The following LRFN5 variants were observed in gnomAD, a reference collection of about 807,000 sequenced individuals.
The protein encoded by LRFN5 is leucine rich repeat and fibronectin type III domain containing 5.
A neutral mutation model predicts 45.6 loss-of-function variants in LRFN5; 24 were observed. That is an observed-to-expected ratio of 0.53 (90% CI 0.38 to 0.74). The LOEUF is 0.74. Ranked by LOEUF, LRFN5 falls within the 30% of genes least tolerant of loss-of-function variation. LRFN5 has a pLI of 0.00. For synonymous variants in LRFN5, 340 were observed against 313.8 expected, an observed-to-expected ratio of 1.08 and a Z score of -0.88; for missense variants, 776 against 861.5, an observed-to-expected ratio of 0.90 and a Z score of 1.24.
intron 1 of LRFN5, among the ~76,000 whole-genome samples, chr14:41,717,901 C>T (rs888622461): frequency 3.9e-5 from 6 of 152,052 alleles, no homozygotes; most frequent in African/African-American, 1.4e-4. Context: ...AGGTTTTAGA[C>T]CATGTATATT....
At chr14:41,669,606 T>C (rs1881070831) in intron 1 of LRFN5, among the ~76,000 whole-genome samples, 1 of 152,016 alleles carries the variant, frequency 6.6e-6, no homozygotes, top group Non-Finnish European at 1.5e-5. Context: ...TTGTCGCTTG[T>C]GGGAATGTAA....
At chr14:41,856,627 G>A (rs1372331235) in intron 2 of LRFN5, among the ~76,000 whole-genome samples, 4 of 128,768 alleles carry the variant, frequency 3.1e-5, no homozygotes, top group African/African-American at 1.1e-4. Flanking sequence ...GCCGAGTTTT[G>A]TTAGTGAGTC....
chr14:41,763,854 A>G (rs1018358304), intron 1 of LRFN5, among the ~76,000 whole-genome samples: 9 of 152,182 alleles, frequency 5.9e-5, no homozygotes, highest in African/African-American at 2.2e-4. Context: ...AGAACAGACT[A>G]ATATGGCATC....
chr14:41,665,951 C>T (rs949520513), intron 1 of LRFN5, among the ~76,000 whole-genome samples: 2 of 151,802 alleles, frequency 1.3e-5, no homozygotes, highest in Non-Finnish European at 1.5e-5. Flanking sequence ...ACTTTGTTGT[C>T]AAGGAATATT....
chr14:41,855,927 T>C (rs1594469115), intron 2 of LRFN5, among the ~76,000 whole-genome samples: 2 of 152,340 alleles, frequency 1.3e-5, no homozygotes, highest in East Asian at 1.9e-4. Context: ...ACCTTTTAAA[T>C]ACAACTTAGA....
At chr14:41,681,504 C>G (rs563282406) in intron 1 of LRFN5, among the ~76,000 whole-genome samples, 4 of 151,962 alleles carry the variant, frequency 2.6e-5, no homozygotes, top group Admixed American at 6.5e-5. Context: ...CCAAACGGAA[C>G]AAAAAATCAT....
chr14:41,877,431 C>T (rs1309645841), intron 2 of LRFN5, among the ~76,000 whole-genome samples: 2 of 152,092 alleles, frequency 1.3e-5, no homozygotes, highest in East Asian at 3.9e-4. Flanking sequence ...TTAGAGAAGG[C>T]ATGATCATGA....
chr14:41,888,809 C>T (rs891377742), intron 3 of LRFN5, among the ~76,000 whole-genome samples: 2 of 151,894 alleles, frequency 1.3e-5, no homozygotes, highest in Non-Finnish European at 2.9e-5. Flanking sequence ...GTATGTTTTT[C>T]TAAAGTTCAG....
chr14:41,800,040 T>C (rs1253470180), intron 2 of LRFN5, among the ~76,000 whole-genome samples: 1 of 152,060 alleles, frequency 6.6e-6, no homozygotes, highest in Non-Finnish European at 1.5e-5. Flanking sequence ...TAAGTATTTT[T>C]ACTTAATATG....
chr14:41,669,243 A>G (rs1025763445), intron 1 of LRFN5, among the ~76,000 whole-genome samples: 2 of 152,048 alleles, frequency 1.3e-5, no homozygotes, highest in Non-Finnish European at 2.9e-5. Context: ...CAGTTGTATA[A>G]CTGCAACTCC....
intron 1 of LRFN5, among the ~76,000 whole-genome samples, chr14:41,762,712 C>T (rs1024672355): frequency 3.3e-4 from 50 of 151,500 alleles, no homozygotes; most frequent in Non-Finnish European, 6.3e-4. Context: ...TGGAGTAATC[C>T]CCCAAAAGAT....
intron 1 of LRFN5, among the ~76,000 whole-genome samples, chr14:41,733,042 A>G (rs920511689): frequency 6.6e-6 from 1 of 151,910 alleles, no homozygotes; most frequent in Non-Finnish European, 1.5e-5. Context: ...AGTCTTAGGA[A>G]AAGAAAGTTA....
At chr14:41,760,483 C>G (rs1051615521) in intron 1 of LRFN5, among the ~76,000 whole-genome samples, 1 of 152,124 alleles carries the variant, frequency 6.6e-6, no homozygotes, top group Non-Finnish European at 1.5e-5. Flanking sequence ...CTCATTTGCA[C>G]ATTAAAAAAT....
chr14:41,888,190 T>C (rs1890648037), intron 3 of LRFN5, among the ~76,000 whole-genome samples, 180 bp downstream of exon 3: 1 of 152,084 alleles, frequency 6.6e-6, no homozygotes, highest in African/African-American at 2.4e-5. Flanking sequence ...TTGAATGGTA[T>C]TTTTTTAGAG....
Position 41,608,455 on chromosome 14 carries a change from G to C in LRFN5, c.-304G>C, listed in dbSNP as rs1377590108. On this transcript the variant is annotated 5_prime_UTR_variant, in exon 1 of 6. Transcript: ENST00000298119. ...CTATGGCAAAGGGCAGCGAAGTGACGAGCGAGACCCGCGTACGACTGTGAA... is the reference window on the plus strand; with the variant it reads ...CTATGGCAAAGGGCAGCGAAGTGACCAGCGAGACCCGCGTACGACTGTGAA... The C allele has an allele frequency of 6.6e-6, 1 of 152,662 alleles. No homozygotes were observed. The highest frequency in any genetic ancestry group is 1.5e-5 in the Non-Finnish European group (1 of 68,084). 9.5% of individuals were successfully genotyped at this position (152,662 alleles called of 1,614,324 possible).
chr14:41,811,679 A>G (rs1268019866), intron 2 of LRFN5, among the ~76,000 whole-genome samples: 1 of 152,118 alleles, frequency 6.6e-6, no homozygotes, highest in Non-Finnish European at 1.5e-5. Context: ...TCCATATTAT[A>G]AGATTCCATT....
chr14:41,895,005 C>A, intron 4 of LRFN5: 2 of 981,266 alleles, frequency 2.0e-6, no homozygotes, highest in Non-Finnish European at 2.4e-6. Context: ...TCTTATTTTT[C>A]TTTTATTTTT....
At chr14:41,837,204 A>G (rs763548) in intron 2 of LRFN5, among the ~76,000 whole-genome samples, 5,848 of 150,854 alleles carry the variant, frequency 0.039, 390 homozygotes, top group African/African-American at 0.14. Flanking sequence ...CAAAAAAAAA[A>G]AAAAAAAAAA....
chr14:41,706,999 A>T (rs1484255790), intron 1 of LRFN5, among the ~76,000 whole-genome samples: 1 of 152,186 alleles, frequency 6.6e-6, no homozygotes, highest in Non-Finnish European at 1.5e-5. Flanking sequence ...ATGTAGAGAC[A>T]GGAGGAGGAA....
Sources: allele counts gnomAD v4.1 joint callset (sites outside exome capture counted in the v4.1 genomes callset), GRCh38; gene constraint gnomAD v4.1.1; transcripts MANE v1.5; gene names NCBI Gene and HGNC (gene_info 2026-07-23, HGNC 2026-07-21).